SPATA13: variants seen among roughly 807,000 people sequenced by gnomAD.
SPATA13 encodes the protein spermatogenesis associated 13.
In SPATA13, 50 loss-of-function variants were observed where a neutral mutation model predicts 104.0. The ratio of observed to expected loss-of-function variants is 0.48; its 90% CI spans 0.38 to 0.61. The LOEUF (loss-of-function observed/expected upper bound fraction) is 0.61. Ranked by LOEUF, SPATA13 falls within the 20% of genes least tolerant of loss-of-function variation. The pLI, the probability that SPATA13 is intolerant of heterozygous loss-of-function variation, is 0.00. For missense variants in SPATA13, 1,524 were observed against 1,690.6 expected (o/e 0.90, Z 1.73); for synonymous variants, 606 against 667.5 (o/e 0.91, Z 1.42).
At chr13:24,181,139 C>G (rs1220571) in intron 1 of SPATA13, among the ~76,000 whole-genome samples, 140,769 of 152,214 alleles carry the variant, frequency 0.92, 65,726 homozygotes, top group Non-Finnish European at 0.99. Context: ...AATGGAGTTT[C>G]CAGGACTGGA....
intron 5 of SPATA13, among the ~76,000 whole-genome samples, chr13:24,284,534 G>A (rs1337157864): frequency 6.6e-6 from 1 of 152,128 alleles, no homozygotes; most frequent in Non-Finnish European, 1.5e-5. Flanking sequence ...ATGATGGTGC[G>A]CACCTGTAAA....
chr13:24,152,009 G>A (rs915832545), intron 3 of SPATA13, among the ~76,000 whole-genome samples: 1 of 152,212 alleles, frequency 6.6e-6, no homozygotes, highest in African/African-American at 2.4e-5. Context: ...TCTAAAGGTG[G>A]CAGGGCCTTC....
intron 3 of SPATA13, among the ~76,000 whole-genome samples, chr13:24,251,318 T>A (rs1391924379): frequency 6.6e-6 from 1 of 152,188 alleles, no homozygotes; most frequent in Non-Finnish European, 1.5e-5. Flanking sequence ...CCTGGCCGGG[T>A]TTGTGGCCTT....
intron 3 of SPATA13, among the ~76,000 whole-genome samples, chr13:24,148,195 T>C (rs1212617691): frequency 1.3e-5 from 2 of 152,228 alleles, no homozygotes; most frequent in African/African-American, 4.8e-5. Context: ...AGTTCCTTGC[T>C]AGGAATCTAA....
chr13:24,017,804 A>C, intron 3 of SPATA13: 1 of 586,538 alleles, frequency 1.7e-6, no homozygotes, highest in Non-Finnish European at 2.1e-6. Context: ...TTAACTCCGT[A>C]ATCCATATGT....
chr13:24,180,448 C>A (rs1868727780), intron 1 of SPATA13, among the ~76,000 whole-genome samples: 1 of 152,220 alleles, frequency 6.6e-6, no homozygotes, highest in Admixed American at 6.5e-5. Context: ...AATTTGTTTT[C>A]TTTTCAAGAT....
chr13:24,078,833 C>T (rs1879414474), intron 3 of SPATA13, among the ~76,000 whole-genome samples: 1 of 152,216 alleles, frequency 6.6e-6, no homozygotes, highest in African/African-American at 2.4e-5. Flanking sequence ...ATTCATCCCC[C>T]CATTCAGTCA....
chr13:24,081,442 T>A (rs2137778183), intron 3 of SPATA13, among the ~76,000 whole-genome samples: 1 of 152,284 alleles, frequency 6.6e-6, no homozygotes, highest in East Asian at 1.9e-4. Context: ...AATATAGTGT[T>A]GTAGCATGTC....
intron 3 of SPATA13, among the ~76,000 whole-genome samples, chr13:24,104,239 G>GTT (rs113835456): frequency 6.9e-5 from 10 of 144,618 alleles, no homozygotes; most frequent in East Asian, 4.1e-4. Context: ...GCTAGAATGG[G>GTT]TTTTTTTTTT....
intron 3 of SPATA13, among the ~76,000 whole-genome samples, chr13:24,126,619 T>C (rs976550673): frequency 6.6e-6 from 1 of 152,182 alleles, no homozygotes; most frequent in Admixed American, 6.5e-5. Flanking sequence ...TGCAGTGGTA[T>C]GAATATGGCT....
chr13:24,212,072 CTGAA>C (rs1335024710), intron 1 of SPATA13, among the ~76,000 whole-genome samples: 66 of 152,254 alleles, frequency 4.3e-4, no homozygotes, highest in African/African-American at 1.4e-3. Context: ...GAAATATTTA[CTGAA>C]TGAATGAATG....
At chr13:24,268,834 T>G (rs1874412920) in intron 4 of SPATA13, among the ~76,000 whole-genome samples, 1 of 152,170 alleles carries the variant, frequency 6.6e-6, no homozygotes. Flanking sequence ...TCGTGTGTGT[T>G]TTTCACTTGT....
chr13:24,076,485 A>G (rs1295296287), intron 3 of SPATA13, among the ~76,000 whole-genome samples: 2 of 152,116 alleles, frequency 1.3e-5, no homozygotes, highest in Non-Finnish European at 2.9e-5. Context: ...TTGCTTCTCA[A>G]TTGTTGTTTT....
chr13:24,218,762 T>C (rs1871402513), intron 1 of SPATA13, among the ~76,000 whole-genome samples: 1 of 151,746 alleles, frequency 6.6e-6, no homozygotes, highest in South Asian at 2.1e-4. Flanking sequence ...GTTAGTGTGT[T>C]TTATGTGTGG....
chr13:24,278,926 C>CCG, intron 4 of SPATA13: 1 of 808,622 alleles, frequency 1.2e-6, no homozygotes, highest in Non-Finnish European at 1.7e-6. Context: ...CCTTCCTTCC[C>CCG]TCTTTCCTTC....
At chr13:24,100,593 A>G (rs1162464360) in intron 3 of SPATA13, among the ~76,000 whole-genome samples, 4 of 152,118 alleles carry the variant, frequency 2.6e-5, no homozygotes, top group Admixed American at 2.6e-4. Flanking sequence ...CTCCCCTTTA[A>G]TATTCCCTTA....
chr13:24,235,219 G>C (rs1478943776), intron 2 of SPATA13, among the ~76,000 whole-genome samples: 3 of 152,166 alleles, frequency 2.0e-5, no homozygotes, highest in African/African-American at 7.2e-5. Context: ...ACAGATTCCT[G>C]AACCTCACCC....
chr13:24,273,469 A>G (rs1874762981), intron 4 of SPATA13, among the ~76,000 whole-genome samples: 1 of 152,174 alleles, frequency 6.6e-6, no homozygotes, highest in South Asian at 2.1e-4. Flanking sequence ...GAAAAATACT[A>G]TTTGTGAAGA....
At chr13:24,300,544 C>A in intron 12 of SPATA13, 69 bp downstream of exon 12, 2 of 1,436,784 alleles carry the variant, frequency 1.4e-6, no homozygotes, top group South Asian at 2.4e-5. Context: ...GAGCATACCC[C>A]AAGTTGTCAG....
Sources: allele counts gnomAD v4.1 joint callset (sites outside exome capture counted in the v4.1 genomes callset), GRCh38; gene constraint gnomAD v4.1.1; transcripts MANE v1.5; gene names NCBI Gene and HGNC (gene_info 2026-07-23, HGNC 2026-07-21).